Variants in CNTNAP2 observed in about 807,000 individuals in gnomAD.
The protein encoded by CNTNAP2 is contactin associated protein 2.
CNTNAP2 carries 98 observed loss-of-function variants against 155.2 expected under a neutral mutation model. That is an observed-to-expected ratio of 0.63 (90% confidence interval 0.54 to 0.75). CNTNAP2 has a LOEUF of 0.75. Among genes scored for constraint, CNTNAP2 ranks in the 30% least tolerant of loss-of-function variants. The pLI is 0.00. For synonymous variants in CNTNAP2, 651 were observed against 631.2 expected, an observed-to-expected ratio of 1.03 and a Z score of -0.47; for missense variants, 1,727 against 1,688.1, an observed-to-expected ratio of 1.02 and a Z score of -0.40.
chr7:147,452,525 T>A (rs370525349), intron 10 of CNTNAP2, among the ~76,000 whole-genome samples: 22 of 152,192 alleles, frequency 1.4e-4, no homozygotes, highest in African/African-American at 5.3e-4. Flanking sequence ...GATCAAAATG[T>A]TTCCTATAAA....
chr7:146,904,842 G>T (rs1190655544), intron 3 of CNTNAP2, among the ~76,000 whole-genome samples: 3 of 152,128 alleles, frequency 2.0e-5, no homozygotes, highest in Non-Finnish European at 4.4e-5. Context: ...TGCTCACAAA[G>T]TTCAATGGTT....
intron 8 of CNTNAP2, among the ~76,000 whole-genome samples, chr7:147,208,572 A>G (rs1803069640): frequency 6.6e-6 from 1 of 152,056 alleles, no homozygotes; most frequent in South Asian, 2.1e-4. Flanking sequence ...AGCTTAATGA[A>G]GATTGAATAA....
intron 10 of CNTNAP2, among the ~76,000 whole-genome samples, chr7:147,474,563 A>G (rs926203576): frequency 6.6e-6 from 1 of 152,182 alleles, no homozygotes; most frequent in Non-Finnish European, 1.5e-5. Flanking sequence ...AGCCTGGGGA[A>G]CAAGAGTGAG....
At chr7:146,947,429 T>TATATAC (rs1491352550) in intron 3 of CNTNAP2, among the ~76,000 whole-genome samples, 192 of 130,314 alleles carry the variant, frequency 1.5e-3, no homozygotes, top group African/African-American at 5.1e-3. Flanking sequence ...TATATATATA[T>TATATAC]ACATACACAC....
chr7:147,715,421 T>G (rs1796467472), intron 13 of CNTNAP2, among the ~76,000 whole-genome samples: 1 of 152,142 alleles, frequency 6.6e-6, no homozygotes, highest in Non-Finnish European at 1.5e-5. Flanking sequence ...TTTTAATTTC[T>G]CTGATGACTA....
Position 146,906,022 on chromosome 7 carries a change from G to A in CNTNAP2, c.402+66118G>A, listed in dbSNP as rs543291931. Among the ~76,000 whole-genome samples, 303 of 152,292 alleles carry A rather than the reference G, an allele frequency of 2.0e-3. 2 individuals are homozygous for A. The highest frequency in any genetic ancestry group is 6.7e-3 in the African/African-American group (280 of 41,558). On this transcript the variant is annotated intron_variant, in intron 3 of 23. Coordinates refer to ENST00000361727, the MANE Select transcript of CNTNAP2 (RefSeq NM_014141.6). The stretch of plus-strand genomic sequence containing the variant: ...CAAGGGGTCAGGGAGTTCCCTTTCC[G>A]AGTCAAAGAAAGGGGTGACGGACGC...
intron 13 of CNTNAP2, among the ~76,000 whole-genome samples, chr7:147,875,875 A>T (rs1292984232): frequency 6.6e-6 from 1 of 152,212 alleles, no homozygotes; most frequent in African/African-American, 2.4e-5. Context: ...AAGCAGATAA[A>T]AGTGGTAACA....
In CNTNAP2 at chr7:147,822,305, G is replaced by A. The variant is rs143663209; in HGVS notation, c.2099-81260G>A. 3.5e-4 allele frequency among the ~76,000 whole-genome samples: 54 copies of A among 152,300 alleles called. No homozygotes were observed. The East Asian group carries it at 8.9e-3, about 25-fold the overall frequency. ...TATGTAACCGTAGATACATGGAGATGTTGTGTATATCCAGGCTGGCATATC... is the reference window on the plus strand; with the variant it reads ...TATGTAACCGTAGATACATGGAGATATTGTGTATATCCAGGCTGGCATATC... On this transcript the variant is annotated intron_variant, in intron 13 of 23. Coordinates refer to ENST00000361727, the MANE Select transcript of CNTNAP2 (RefSeq NM_014141.6).
chr7:148,393,784 T>A (rs923556184), intron 22 of CNTNAP2, among the ~76,000 whole-genome samples: 4 of 152,170 alleles, frequency 2.6e-5, no homozygotes, highest in Non-Finnish European at 4.4e-5. Context: ...AATAAAATTT[T>A]CTTGTTATAG....
chr7:146,920,319 C>G (rs1038884356), intron 3 of CNTNAP2, among the ~76,000 whole-genome samples: 13 of 151,744 alleles, frequency 8.6e-5, no homozygotes, highest in African/African-American at 3.1e-4. Flanking sequence ...GAGGTTGAGG[C>G]AGGAGAATCA....
intron 8 of CNTNAP2, among the ~76,000 whole-genome samples, chr7:147,190,206 A>G (rs1461076665): frequency 1.3e-5 from 2 of 152,150 alleles, no homozygotes; most frequent in East Asian, 3.9e-4. Context: ...ATTTCACTGC[A>G]CCTCAGAAAA....
chr7:147,678,763 T>C (rs1050564211), intron 13 of CNTNAP2, among the ~76,000 whole-genome samples: 1 of 151,942 alleles, frequency 6.6e-6, no homozygotes, highest in Non-Finnish European at 1.5e-5. Context: ...TTTTGGTTTA[T>C]GAAATTTAAA....
chr7:146,992,333 T>C (rs1798223362), intron 3 of CNTNAP2, among the ~76,000 whole-genome samples: 1 of 151,590 alleles, frequency 6.6e-6, no homozygotes, highest in Admixed American at 6.6e-5. Flanking sequence ...TCAAGTATTA[T>C]AAAATTTAAT....
At chr7:146,721,402 CTA>C (rs1319843285) in intron 1 of CNTNAP2, among the ~76,000 whole-genome samples, 3 of 127,170 alleles carry the variant, frequency 2.4e-5, no homozygotes, top group African/African-American at 6.1e-5. Flanking sequence ...TATATACATT[CTA>C]TATATATTCT....
rs573444336 is a variant in CNTNAP2 at position 147,385,689 on chromosome 7, T to C, written c.1499-9920T>C. Among the ~76,000 whole-genome samples the C allele has an allele frequency of 1.6e-3, 240 of 152,320 alleles. 1 individual carries two copies. The highest frequency in any genetic ancestry group is 5.5e-3 in the African/African-American group (230 of 41,594). ...TGTGGCTTTGCAAGGTATAGCCCCCTTCCTGGCTGCTTTCAAGAGCTGGTG... is the reference window on the plus strand; with the variant it reads ...TGTGGCTTTGCAAGGTATAGCCCCCCTCCTGGCTGCTTTCAAGAGCTGGTG... On this transcript the variant is annotated intron_variant, in intron 9 of 23. Coordinates refer to ENST00000361727, the MANE Select transcript of CNTNAP2 (RefSeq NM_014141.6).
At chr7:147,024,840 A>G (rs959054344) in intron 3 of CNTNAP2, among the ~76,000 whole-genome samples, 2 of 152,176 alleles carry the variant, frequency 1.3e-5, no homozygotes, top group Non-Finnish European at 2.9e-5. Context: ...GAAACTGTCA[A>G]TCATGGCGGA....
chr7:147,605,097 A>G (rs1025038817), intron 12 of CNTNAP2, among the ~76,000 whole-genome samples: 1 of 145,470 alleles, frequency 6.9e-6, no homozygotes, highest in Non-Finnish European at 1.5e-5. Flanking sequence ...AGCAGATTTA[A>G]TCCCCAAATC....
intron 1 of CNTNAP2, among the ~76,000 whole-genome samples, chr7:146,430,185 T>G (rs553544245): frequency 8.9e-4 from 135 of 152,062 alleles, no homozygotes; most frequent in African/African-American, 1.9e-3. Flanking sequence ...GTTTTTTTTT[T>G]TTTGTTTTAT....
At position 147,629,018 on chromosome 7, in the gene CNTNAP2, A is replaced by C. The variant is rs141636911; in HGVS notation, c.1898-10088A>C. Among the ~76,000 whole-genome samples, 296 of 152,200 alleles carry C rather than the reference A, an allele frequency of 1.9e-3. 3 individuals are homozygous for C. The highest frequency in any genetic ancestry group is 6.6e-3 in the African/African-American group (276 of 41,536). On this transcript the variant is annotated intron_variant, in intron 12 of 23. Transcript: ENST00000361727. Reference sequence around the variant, plus strand: ...GAATTATTACCAGACCTAAGATGTGAGATAGATGGCAACACAATAATAGTG... The same window carrying C: ...GAATTATTACCAGACCTAAGATGTGCGATAGATGGCAACACAATAATAGTG...
Sources: gnomAD v4.1 joint callset for allele counts (sites outside exome capture counted in the v4.1 genomes callset) on GRCh38, gnomAD v4.1.1 for gene constraint, MANE v1.5 for transcripts, NCBI Gene and HGNC (gene_info 2026-07-23, HGNC 2026-07-21) for gene names.